SLX4IP: variants seen among roughly 807,000 people sequenced by gnomAD.
SLX4IP encodes protein SLX4IP.
Under a neutral mutation model 32.9 loss-of-function variants are expected in SLX4IP, and 34 were observed. The observed-to-expected ratio is 1.03, with a 90% CI of 0.79 to 1.38. The LOEUF (loss-of-function observed/expected upper bound fraction) is 1.38. Ranked by LOEUF, SLX4IP falls within the 40% of genes most tolerant of loss-of-function variation. The pLI is 0.00. For synonymous variants in SLX4IP, 172 were observed against 171.7 expected, an observed-to-expected ratio of 1.00 and a Z score of -0.01; for missense variants, 444 against 479.0, an observed-to-expected ratio of 0.93 and a Z score of 0.68.
At chr20:10,528,450 C>T (rs780044527) in intron 2 of SLX4IP, among the ~76,000 whole-genome samples, 6 of 152,084 alleles carry the variant, frequency 3.9e-5, no homozygotes, top group Non-Finnish European at 7.3e-5. Flanking sequence ...TTATCTGATA[C>T]TCATGAGTAA....
At chr20:10,461,735 G>A (rs1261246924) in intron 2 of SLX4IP, among the ~76,000 whole-genome samples, 1 of 152,146 alleles carries the variant, frequency 6.6e-6, no homozygotes, top group Non-Finnish European at 1.5e-5. Flanking sequence ...GTGGCCAGTG[G>A]CCAATTGCCT....
intron 1 of SLX4IP, among the ~76,000 whole-genome samples, chr20:10,439,806 C>T (rs551444517): frequency 3.2e-4 from 48 of 152,262 alleles, no homozygotes; most frequent in African/African-American, 9.4e-4. Flanking sequence ...ATGAAGAAAC[C>T]TATTTATTAG....
chr20:10,613,458 G>A lies in SLX4IP; in HGVS notation c.406-7856G>A, dbSNP rs200529293. Reference sequence around the variant, plus strand: ...CCATTATTTCTTTTTTTTCTTGAGAGCAGATTTTTTCCCTCCTCCTTTGGA... The same window carrying A: ...CCATTATTTCTTTTTTTTCTTGAGAACAGATTTTTTCCCTCCTCCTTTGGA... On this transcript the variant is annotated intron_variant, in intron 6 of 7. Transcript: ENST00000334534. 464 of 1,595,154 alleles carry A rather than the reference G, an allele frequency of 2.9e-4. 2 individuals are homozygous for A. In the East Asian group the frequency reaches 0.01, roughly 35 times the overall value.
intron 2 of SLX4IP, among the ~76,000 whole-genome samples, chr20:10,462,666 C>CA (rs2065347649): frequency 6.6e-6 from 1 of 152,046 alleles, no homozygotes; most frequent in African/African-American, 2.4e-5. Flanking sequence ...TGTGGTCTTC[C>CA]AAAATAGGGG....
At chr20:10,511,769 G>A (rs1372266380) in intron 2 of SLX4IP, among the ~76,000 whole-genome samples, 2 of 152,178 alleles carry the variant, frequency 1.3e-5, no homozygotes, top group Non-Finnish European at 2.9e-5. Flanking sequence ...CCCTCTTCAC[G>A]TGACAGCCCT....
chr20:10,510,815 A>G (rs1054278610), intron 2 of SLX4IP, among the ~76,000 whole-genome samples: 4 of 152,156 alleles, frequency 2.6e-5, no homozygotes, highest in Non-Finnish European at 5.9e-5. Context: ...CATGTTCGCC[A>G]GGATGGTCTC....
intron 2 of SLX4IP, among the ~76,000 whole-genome samples, chr20:10,529,590 CAAA>C (rs71334410): frequency 1.9e-5 from 1 of 53,642 alleles, no homozygotes; most frequent in Non-Finnish European, 3.2e-5. Flanking sequence ...GACTCCATCT[CAAA>C]AAAAAAAAAA....
intron 7 of SLX4IP, 28 bp downstream of exon 7, chr20:10,621,442 A>AT (rs761183637): frequency 6.2e-7 from 1 of 1,602,046 alleles, no homozygotes; most frequent in Non-Finnish European, 8.6e-7. Context: ...CCTTTTTCTC[A>AT]TTTTTGCCTG....
At chr20:10,441,264 C>G (rs1330901508) in intron 1 of SLX4IP, among the ~76,000 whole-genome samples, 1 of 152,002 alleles carries the variant, frequency 6.6e-6, no homozygotes, top group Non-Finnish European at 1.5e-5. Flanking sequence ...GGCGAAACCT[C>G]ATCTCTACAA....
rs143381950 is a variant in SLX4IP at position 10,534,652 on chromosome 20, G to T, written c.28-21579G>T. Among the ~76,000 whole-genome samples, 909 of 152,280 alleles carry T rather than the reference G, an allele frequency of 6.0e-3. 11 individuals are homozygous for T. Among genetic ancestry groups the T allele is most frequent in the African/African-American group, 0.02 (850 of 41,560 alleles). On this transcript the variant is annotated intron_variant, in intron 2 of 7. Coordinates refer to ENST00000334534, the MANE Select transcript of SLX4IP (RefSeq NM_001009608.3). ...CTCCGTGTTCAGCTCCTGGCGCAGG[G>T]CTGGCGTCTGGGGTATGCTCAATAA...
intron 6 of SLX4IP, among the ~76,000 whole-genome samples, chr20:10,619,217 C>CTTTTTTTTTTTTTTTTTTTTCT (rs59741153): frequency 1.6e-5 from 2 of 126,650 alleles, no homozygotes; most frequent in East Asian, 2.3e-4. Flanking sequence ...CTTTTTTTTT[C>CTTTTTTTTTTTTTTTTTTTTCT]TTTTTTTTTT....
At chr20:10,474,805 G>C (rs1265215876) in intron 2 of SLX4IP, among the ~76,000 whole-genome samples, 2 of 152,212 alleles carry the variant, frequency 1.3e-5, no homozygotes, top group Non-Finnish European at 2.9e-5. Flanking sequence ...TGTTCCCTGG[G>C]ATGATGCTGC....
chr20:10,579,768 C>T (rs2066562864), intron 4 of SLX4IP, among the ~76,000 whole-genome samples: 1 of 152,216 alleles, frequency 6.6e-6, no homozygotes, highest in Non-Finnish European at 1.5e-5. Context: ...CAATACTGCA[C>T]TGTCTTGATT....
At chr20:10,437,999 A>G (rs371700330) in intron 1 of SLX4IP, among the ~76,000 whole-genome samples, 16 of 152,342 alleles carry the variant, frequency 1.1e-4, no homozygotes, top group Admixed American at 9.8e-4. Flanking sequence ...TCATACAAGA[A>G]AAATGCTTGT....
At chr20:10,522,687 C>T (rs1438739381) in intron 2 of SLX4IP, among the ~76,000 whole-genome samples, 3 of 152,216 alleles carry the variant, frequency 2.0e-5, no homozygotes, top group African/African-American at 4.8e-5. Context: ...CATGCGCTTA[C>T]ATATCAGCCC....
At chr20:10,480,711 G>A (rs1028444326) in intron 2 of SLX4IP, among the ~76,000 whole-genome samples, 3 of 152,148 alleles carry the variant, frequency 2.0e-5, no homozygotes, top group Admixed American at 1.3e-4. Context: ...AAATAAATAG[G>A]TTGAACTGAT....
At chr20:10,462,721 A>G (rs150456464) in intron 2 of SLX4IP, among the ~76,000 whole-genome samples, 12 of 152,318 alleles carry the variant, frequency 7.9e-5, no homozygotes, top group African/African-American at 2.6e-4. Context: ...GAAATAGGGA[A>G]CCAGTCAGAT....
At chr20:10,584,761 T>C (rs1171810937) in intron 4 of SLX4IP, among the ~76,000 whole-genome samples, 5 of 152,172 alleles carry the variant, frequency 3.3e-5, no homozygotes, top group Non-Finnish European at 7.3e-5. Flanking sequence ...AGATGCTTAT[T>C]TGAGCTTGAT....
At chr20:10,561,981 G>A (rs1341023588) in intron 4 of SLX4IP, among the ~76,000 whole-genome samples, 2 of 152,164 alleles carry the variant, frequency 1.3e-5, no homozygotes. Flanking sequence ...TGTGTCATCG[G>A]TGCCCTGCGG....
Sources: gnomAD v4.1 joint callset for allele counts (sites outside exome capture counted in the v4.1 genomes callset) on GRCh38, gnomAD v4.1.1 for gene constraint, MANE v1.5 for transcripts, NCBI Gene and HGNC (gene_info 2026-07-23, HGNC 2026-07-21) for gene names.